HEPHL1: variants seen among roughly 807,000 people sequenced by gnomAD.
The protein encoded by HEPHL1 is hephaestin like 1.
In HEPHL1, 123 loss-of-function variants were observed where a neutral mutation model predicts 122.0. The ratio of observed to expected loss-of-function variants is 1.01; its 90% CI spans 0.87 to 1.17. The LOEUF (loss-of-function observed/expected upper bound fraction) is 1.17, where lower values mean the gene tolerates loss of function less well. HEPHL1 is among the 50% of genes most tolerant of loss of function. The pLI, the probability that HEPHL1 is intolerant of heterozygous loss-of-function variation, is 0.00. For synonymous variants in HEPHL1, 527 were observed against 508.9 expected (o/e 1.04, Z -0.48); for missense variants, 1,452 against 1,430.5 (o/e 1.01, Z -0.24).
chr11:94,058,469 A>C (rs1273614192), intron 2 of HEPHL1, among the ~76,000 whole-genome samples: 2 of 152,158 alleles, frequency 1.3e-5, no homozygotes, highest in East Asian at 3.9e-4. Flanking sequence ...GGTTGCAAAG[A>C]AGAGTAAATA....
chr11:94,070,709 A>G lies in HEPHL1; in HGVS notation c.1232+167A>G, dbSNP rs185747518. Among the ~76,000 whole-genome samples, 406 of 152,274 alleles carry G rather than the reference A, an allele frequency of 2.7e-3. 2 individuals are homozygous for G. Among genetic ancestry groups the G allele is most frequent in the South Asian group, 0.013 (64 of 4,826 alleles). On this transcript the variant is annotated intron_variant, in intron 6 of 19. Transcript: ENST00000315765. ...TCTTAATACTGCAAAAGCACTGCTGAGAACTGGTAGAATATTTTTTGTTTT... is the reference window on the plus strand; with the variant it reads ...TCTTAATACTGCAAAAGCACTGCTGGGAACTGGTAGAATATTTTTTGTTTT...
chr11:94,099,132 A>G (rs1946346176), intron 13 of HEPHL1, among the ~76,000 whole-genome samples: 1 of 151,990 alleles, frequency 6.6e-6, no homozygotes, highest in Admixed American at 6.6e-5. Flanking sequence ...TTTTTTCCCC[A>G]TCTTTGTGGT....
chr11:94,104,205 G>T (rs1320715872), intron 15 of HEPHL1, among the ~76,000 whole-genome samples: 1 of 152,136 alleles, frequency 6.6e-6, no homozygotes, highest in Non-Finnish European at 1.5e-5. Flanking sequence ...ATCATATGGG[G>T]TCCAGTAGTA....
At chr11:94,052,661 G>A (rs1472922856) in intron 2 of HEPHL1, among the ~76,000 whole-genome samples, 16 of 151,950 alleles carry the variant, frequency 1.1e-4, no homozygotes, top group Non-Finnish European at 2.2e-4. Flanking sequence ...TGTATTCCTA[G>A]TTTGTTGAGA....
chr11:94,099,254 C>A (rs1293882519), intron 13 of HEPHL1, among the ~76,000 whole-genome samples: 2 of 152,214 alleles, frequency 1.3e-5, no homozygotes, highest in African/African-American at 4.8e-5. Flanking sequence ...AGCTGCAGGT[C>A]TGTTGGAGTT....
chr11:94,084,422 A>G (rs1283984633), intron 10 of HEPHL1, among the ~76,000 whole-genome samples: 1 of 152,052 alleles, frequency 6.6e-6, no homozygotes, highest in Non-Finnish European at 1.5e-5. Flanking sequence ...GTTCAAGGCA[A>G]ATAATGCATC....
chr11:94,032,148 C>A (rs1447159513), intron 1 of HEPHL1, among the ~76,000 whole-genome samples: 1 of 152,228 alleles, frequency 6.6e-6, no homozygotes, highest in Non-Finnish European at 1.5e-5. Flanking sequence ...TTTTCTCCAA[C>A]TTCAATGTCA....
At chr11:94,106,413 C>T (rs899649461) in intron 17 of HEPHL1, among the ~76,000 whole-genome samples, 2 of 151,716 alleles carry the variant, frequency 1.3e-5, no homozygotes, top group African/African-American at 4.8e-5. Flanking sequence ...CTGCCTCAGC[C>T]TCCCGAGTAG....
In HEPHL1 at chr11:94,111,527, C is replaced by T; in HGVS notation, c.3209-10C>T. ...GTTAATAAAACAATGAACTTGTTTT[C>T]TTTGTGCAGACAACAGGATTCCTTA... On this transcript the variant is annotated splice_polypyrimidine_tract_variant and intron_variant, in intron 18 of 19. Transcript: ENST00000315765. 1 of 1,588,604 alleles carries T rather than the reference C, an allele frequency of 6.3e-7. No individual in the cohort carries two copies.
At chr11:94,031,331 TACACACACACACACAC>T (rs3058474) in intron 1 of HEPHL1, among the ~76,000 whole-genome samples, 1 of 144,608 alleles carries the variant, frequency 6.9e-6, no homozygotes, top group Admixed American at 6.9e-5. Flanking sequence ...TGTGCATTGT[TACACACACACACACAC>T]ACACACACAC....
intron 4 of HEPHL1, among the ~76,000 whole-genome samples, chr11:94,066,219 C>T (rs2134428994): frequency 6.6e-6 from 1 of 151,968 alleles, no homozygotes; most frequent in South Asian, 2.1e-4. Flanking sequence ...AAAACCCTAG[C>T]CTGTATGCTG....
At chr11:94,067,866 A>G in intron 5 of HEPHL1, 116 bp downstream of exon 5, 1 of 802,942 alleles carries the variant, frequency 1.2e-6, no homozygotes, top group South Asian at 1.8e-5. Flanking sequence ...ACTATATTTA[A>G]TTAGGTAATA....
At chr11:94,050,886 G>C (rs992290266) in intron 2 of HEPHL1, among the ~76,000 whole-genome samples, 1 of 151,752 alleles carries the variant, frequency 6.6e-6, no homozygotes, top group Non-Finnish European at 1.5e-5. Flanking sequence ...TTAATTTTTA[G>C]TTCCCACAAA....
intron 12 of HEPHL1, among the ~76,000 whole-genome samples, chr11:94,092,538 C>T (rs893536398): frequency 1.3e-5 from 2 of 152,132 alleles, no homozygotes; most frequent in Admixed American, 6.5e-5. Flanking sequence ...TTATTTAGTG[C>T]CATCGTTTTT....
At position 94,073,351 on chromosome 11, in the gene HEPHL1, C is replaced by A. The variant is rs1372698571; in HGVS notation, c.1416C>A (p.Thr472=). 2 of 1,603,988 alleles carry A rather than the reference C, an allele frequency of 1.2e-6. No individual in the cohort carries two copies. The highest frequency in any genetic ancestry group is 1.7e-6 in the Non-Finnish European group (2 of 1,174,982). Residue 472 remains threonine, a synonymous_variant, in exon 8 of 20, where the codon ACC becomes ACA. Transcript: ENST00000315765. The stretch of plus-strand genomic sequence containing the variant: ...AGGTGGGTGATACCCTGTTAGTGAC[C>A]TTTGCCAACAAAGCCGACAAGGTCT... ...KAEVGDTLLV[T]FANKADKVYS...
intron 2 of HEPHL1, among the ~76,000 whole-genome samples, chr11:94,057,374 T>C (rs1216791750): frequency 6.6e-6 from 1 of 152,094 alleles, no homozygotes; most frequent in Non-Finnish European, 1.5e-5. Flanking sequence ...TGTTCTCCCC[T>C]CTTTCTGCAG....
chr11:94,049,126 A>T (rs371102904), intron 2 of HEPHL1, among the ~76,000 whole-genome samples: 3 of 16,422 alleles, frequency 1.8e-4, no homozygotes, highest in South Asian at 0.025. Flanking sequence ...ATCTCAAAAG[A>T]AACAAAAAAA....
chr11:94,092,581 G>T (rs763716343), intron 12 of HEPHL1, among the ~76,000 whole-genome samples: 50 of 152,106 alleles, frequency 3.3e-4, no homozygotes, highest in Non-Finnish European at 6.2e-4. Flanking sequence ...TGCTTTCACT[G>T]TTTAAAATGC....
chr11:94,099,714 G>T (rs1946351220), intron 13 of HEPHL1, among the ~76,000 whole-genome samples: 1 of 152,134 alleles, frequency 6.6e-6, no homozygotes, highest in Non-Finnish European at 1.5e-5. Context: ...TAGCAATGGT[G>T]GGCGCCCCTC....
Sources: allele counts gnomAD v4.1 joint callset (sites outside exome capture counted in the v4.1 genomes callset), GRCh38; gene constraint gnomAD v4.1.1; transcripts MANE v1.5; gene names NCBI Gene and HGNC (gene_info 2026-07-23, HGNC 2026-07-21).